Variants in DSC2 observed in about 807,000 individuals in gnomAD.
DSC2 encodes desmocollin 2, also known as desmocollin-2.
Under a neutral mutation model 87.6 loss-of-function variants are expected in DSC2, and 51 were observed. That is an observed-to-expected ratio of 0.58 (90% CI 0.46 to 0.74). DSC2 has a LOEUF of 0.74. Among genes scored for constraint, DSC2 ranks in the 30% least tolerant of loss-of-function variants. The probability of loss-of-function intolerance (pLI) is 0.00; values close to 1 mark genes in which losing one functional copy is unlikely to be tolerated. For synonymous variants in DSC2, 383 were observed against 393.2 expected (o/e 0.97, Z 0.31); for missense variants, 1,066 against 1,089.5 (o/e 0.98, Z 0.30).
intron 1 of DSC2, 77 bp downstream of exon 1, chr18:31,101,826 T>TC: frequency 1.1e-6 from 1 of 941,698 alleles, no homozygotes; most frequent in Non-Finnish European, 1.5e-6. Context: ...CCCCCACCTA[T>TC]CCCCGTTCCC....
At chr18:31,086,288 T>C (rs1166300598) in intron 7 of DSC2, among the ~76,000 whole-genome samples, 1 of 152,194 alleles carries the variant, frequency 6.6e-6, no homozygotes, top group African/African-American at 2.4e-5. Flanking sequence ...AATTTCTGCA[T>C]ATATTTAAAA....
chr18:31,068,094 T>C lies in DSC2; in HGVS notation c.2627A>G (p.Gln876Arg), dbSNP rs1004351611. 1 of 1,614,066 alleles carries C rather than the reference T, an allele frequency of 6.2e-7. No individual in the cohort carries two copies. The highest frequency in any genetic ancestry group is 8.5e-7 in the Non-Finnish European group (1 of 1,179,978). Residue 876 changes from glutamine to arginine, a missense_variant, in exon 16 of 16, where the codon CAA becomes CGA. Coordinates refer to ENST00000280904, the MANE Select transcript of DSC2 (RefSeq NM_024422.6). ...AGSVGCCSER[Q>R]EEDGLEFLDN... Reference sequence around the variant, plus strand: ...CAAAAATTCAAGCCCATCTTCTTCTTGTCGTTCACTGCAACAACCTACAGA... The same window carrying C: ...CAAAAATTCAAGCCCATCTTCTTCTCGTCGTTCACTGCAACAACCTACAGA...
chr18:31,093,964 A>G (rs778691500), intron 1 of DSC2, among the ~76,000 whole-genome samples: 5 of 152,050 alleles, frequency 3.3e-5, no homozygotes, highest in Non-Finnish European at 5.9e-5. Context: ...GGAGAAGAAT[A>G]AAACAATATA....
At position 31,069,084 on chromosome 18, in the gene DSC2, C is replaced by G. The variant is rs749174176; in HGVS notation, c.2318G>C (p.Gly773Ala). 1.9e-6 allele frequency: 3 copies of G among 1,614,114 alleles called. No individual in the cohort carries two copies. The highest frequency in any genetic ancestry group is 1.7e-5 in the Admixed American group (1 of 60,024). The stretch of plus-strand genomic sequence containing the variant: ...CTGACCTCCGTTTTTGATTCCTGAT[C>G]CCACGGTGCCACAAACTCCCTGAGC... ...ASAQGVCGTV[G>A]SGIKNGGQET... The change falls in exon 15 of 16, where the codon GGA becomes GCA. Residue 773 changes from glycine to alanine, a missense_variant. Transcript: ENST00000280904.
At chr18:31,075,974 G>A (rs973133116) in intron 11 of DSC2, among the ~76,000 whole-genome samples, 3 of 152,178 alleles carry the variant, frequency 2.0e-5, no homozygotes, top group African/African-American at 2.4e-5. Flanking sequence ...ATGGACCCAC[G>A]CCACAGATTA....
At chr18:31,071,547 G>C in intron 13 of DSC2, 58 bp downstream of exon 13, 1 of 1,515,370 alleles carries the variant, frequency 6.6e-7, no homozygotes, top group Non-Finnish European at 9.2e-7. Context: ...AACAAAAAGT[G>C]TCTTGAAAGT....
Position 31,069,156 on chromosome 18 carries a change from A to C in DSC2, c.2251-5T>G, listed in dbSNP as rs374262463. ...TGTGAAGCCATTCGCAGAATACTGA[A>C]ATGAAAACAATTTGCATTAGGGATA... On this transcript the variant is annotated splice_region_variant and splice_polypyrimidine_tract_variant and intron_variant, in intron 14 of 15. Transcript: ENST00000280904. 24 of 1,614,006 alleles carry C rather than the reference A, an allele frequency of 1.5e-5. No individual in the cohort carries two copies. The African/African-American group carries it at 2.9e-4, about 20-fold the overall frequency.
In DSC2 at chr18:31,087,580, A is replaced by G; in HGVS notation, c.775+89T>C. The G allele has an allele frequency of 2.1e-6, 3 of 1,421,976 alleles. No individual in the cohort carries two copies. The Admixed American group carries it at 5.1e-5, about 24-fold the overall frequency. The allele number at this position is 1,421,976 out of a possible 1,614,324, so 88.1% of individuals were successfully genotyped here. On this transcript the variant is annotated intron_variant, in intron 6 of 15. Transcript: ENST00000280904. ...AGAGTCCCTTATTCTTGCTGCTGGG[A>G]TACGCTGCTTCTCAACGGACATAGT... is the stretch of plus-strand genomic sequence containing the variant.
rs1987452903 is a variant in DSC2, at chr18:31,087,767, G to C, written c.677C>G (p.Pro226Arg). 1 of 1,613,668 alleles carries C rather than the reference G, an allele frequency of 6.2e-7. No homozygotes were observed. The highest frequency in any genetic ancestry group is 8.5e-7 in the Non-Finnish European group (1 of 1,179,808). The change falls in exon 6 of 16, where the codon CCA becomes CGA. Residue 226 changes from proline to arginine, a missense_variant. Pro to Arg is a moderately radical substitution (Grantham distance 103). Coordinates refer to ENST00000280904, the MANE Select transcript of DSC2 (RefSeq NM_024422.6). Reference sequence around the variant, plus strand: ...CTCTATTTTGATTATTAGGGGCAGTGGAAGTTCTGGAGTATACCCATCTGG... The same window carrying C: ...CTCTATTTTGATTATTAGGGGCAGTCGAAGTTCTGGAGTATACCCATCTGG... ...TTPDGYTPELPLPLIIKIEDE... is the reference protein window; with the variant it reads ...TTPDGYTPELRLPLIIKIEDE...
chr18:31,090,567 A>G (rs1987557819), intron 4 of DSC2, among the ~76,000 whole-genome samples: 1 of 152,164 alleles, frequency 6.6e-6, no homozygotes, highest in South Asian at 2.1e-4. Context: ...ACAAAAAAAA[A>G]GAAACAAAAA....
In DSC2 at chr18:31,086,562, A is replaced by G. The variant is rs1375720713; in HGVS notation, c.942+14T>C. 1.9e-6 allele frequency: 3 copies of G among 1,612,494 alleles called. No homozygotes were observed. Among genetic ancestry groups the G allele is most frequent in the Non-Finnish European group, 1.7e-6 (2 of 1,179,910 alleles). ...AGCCACGTTATAATCAGGTTTTATTAATGTTTATGTTACCTCTCTGTCTAG... is the reference window on the plus strand; with the variant it reads ...AGCCACGTTATAATCAGGTTTTATTGATGTTTATGTTACCTCTCTGTCTAG... On this transcript the variant is annotated intron_variant, in intron 7 of 15. Transcript: ENST00000280904.
chr18:31,082,214 A>T, intron 9 of DSC2, 24 bp downstream of exon 9: 2 of 1,597,936 alleles, frequency 1.3e-6, no homozygotes, highest in Non-Finnish European at 1.7e-6. Flanking sequence ...ATAAACTACA[A>T]ATAATGTTCT....
intron 1 of DSC2, among the ~76,000 whole-genome samples, chr18:31,097,274 C>A (rs1291202865): frequency 6.9e-6 from 1 of 145,274 alleles, no homozygotes; most frequent in African/African-American, 2.6e-5. Context: ...GGCGACAGAG[C>A]GAGACTCAGT....
chr18:31,102,041 C>G lies in DSC2; in HGVS notation c.-70G>C. The G allele has an allele frequency of 2.3e-6, 3 of 1,318,972 alleles. No homozygotes were observed. The highest frequency in any genetic ancestry group is 3.6e-5 in the Admixed American group (1 of 28,130). 81.7% of individuals were successfully genotyped at this position (1,318,972 alleles called of 1,614,324 possible). On this transcript the variant is annotated 5_prime_UTR_variant, in exon 1 of 16. Coordinates refer to ENST00000280904, the MANE Select transcript of DSC2 (RefSeq NM_024422.6). Reference sequence around the variant, plus strand: ...TAGGAGGGCTCCGCGGGGCGAGGGCCGCGGCCGGAGCGCAGTCTGGGCCCG... The same window carrying G: ...TAGGAGGGCTCCGCGGGGCGAGGGCGGCGGCCGGAGCGCAGTCTGGGCCCG...
intron 7 of DSC2, among the ~76,000 whole-genome samples, chr18:31,084,338 G>A (rs1255448435): frequency 1.3e-5 from 2 of 151,958 alleles, no homozygotes; most frequent in East Asian, 1.9e-4. Flanking sequence ...CTTTCAAGAA[G>A]GAATACATAT....
chr18:31,074,161 C>T (rs1986925262), intron 12 of DSC2, among the ~76,000 whole-genome samples: 1 of 152,182 alleles, frequency 6.6e-6, no homozygotes, highest in Non-Finnish European at 1.5e-5. Context: ...TTGGCTTGTG[C>T]TGCAGCTTGA....
At chr18:31,076,191 A>G (rs925685026) in intron 11 of DSC2, among the ~76,000 whole-genome samples, 3 of 152,126 alleles carry the variant, frequency 2.0e-5, no homozygotes, top group African/African-American at 7.2e-5. Flanking sequence ...TGAAGTCACA[A>G]CCTCAGCCAG....
At position 31,089,580 on chromosome 18, in the gene DSC2, C is replaced by A. The variant is rs752952811; in HGVS notation, c.489G>T (p.Thr163=). The A allele has an allele frequency of 1.9e-6, 3 of 1,613,534 alleles. No individual in the cohort carries two copies. The highest frequency in any genetic ancestry group is 2.5e-6 in the Non-Finnish European group (3 of 1,179,846). ...AATAGTATATGGTATAGTTTTGGGCCGTGTCAGATTGAACCTAGAAAGTAG... is the reference window on the plus strand; with the variant it reads ...AATAGTATATGGTATAGTTTTGGGCAGTGTCAGATTGAACCTAGAAAGTAG... ...PLFLQQVQSD[T]AQNYTIYYSI... is the part of the protein sequence containing the mutation. The change falls in exon 5 of 16, where the codon ACG becomes ACT. Residue 163 remains threonine (T), a synonymous_variant. Coordinates refer to ENST00000280904, the MANE Select transcript of DSC2 (RefSeq NM_024422.6).
chr18:31,102,065 C>A lies in DSC2; in HGVS notation c.-94G>T. 1 of 1,141,966 alleles carries A rather than the reference C, an allele frequency of 8.8e-7. No individual in the cohort carries two copies. Among genetic ancestry groups the A allele is most frequent in the Admixed American group, 3.8e-5 (1 of 26,062 alleles). 70.7% of individuals were successfully genotyped at this position (1,141,966 alleles called of 1,614,324 possible). On this transcript the variant is annotated 5_prime_UTR_variant, in exon 1 of 16. Transcript: ENST00000280904. ...CCGCGGCCGGAGCGCAGTCTGGGCC[C>A]GCTGCTCAGGAGGAGCGCGAGGCGG...
Sources: allele counts gnomAD v4.1 joint callset (sites outside exome capture counted in the v4.1 genomes callset), GRCh38; gene constraint gnomAD v4.1.1; transcripts MANE v1.5; gene names NCBI Gene and HGNC (gene_info 2026-07-23, HGNC 2026-07-21).